RGS12: variants seen among roughly 807,000 people sequenced by gnomAD.
RGS12 encodes regulator of G-protein signaling 12.
A neutral mutation model predicts 120.1 loss-of-function variants in RGS12; 66 were observed. The ratio of observed to expected loss-of-function variants is 0.55; its 90% CI spans 0.45 to 0.67. RGS12 has a LOEUF of 0.67. Among genes scored for constraint, RGS12 ranks in the 30% least tolerant of loss-of-function variants. RGS12 has a pLI of 0.00. For missense variants in RGS12, 1,859 were observed against 1,957.7 expected (o/e 0.95, Z 0.95); for synonymous variants, 827 against 804.7 (o/e 1.03, Z -0.47).
chr4:3,417,572 C>CAT, intron 9 of RGS12, 31 bp downstream of exon 9: 1 of 1,604,436 alleles, frequency 6.2e-7, no homozygotes. Flanking sequence ...GCTGTGGTGT[C>CAT]CAGGCCAGGC....
At position 3,365,769 on chromosome 4, in the gene RGS12, C is replaced by T. The variant is rs187756713; in HGVS notation, c.1999-20647C>T. 6.6e-6 allele frequency among the ~76,000 whole-genome samples: 1 copy of T among 152,298 alleles called. No homozygotes were observed. Among genetic ancestry groups the T allele is most frequent in the Admixed American group, 6.5e-5 (1 of 15,306 alleles). ...CTTAGAAATCTTTGCTTGTCTTGGTCTTTCACACACCAGTCTGCTTTTTAA... is the reference window on the plus strand; with the variant it reads ...CTTAGAAATCTTTGCTTGTCTTGGTTTTTCACACACCAGTCTGCTTTTTAA... On this transcript the variant is annotated intron_variant, in intron 3 of 17. Transcript: ENST00000336727. The surrounding 1 kb of genome is among the most constrained non-coding windows in gnomAD (Gnocchi z 4.0).
Position 3,423,658 on chromosome 4 carries a change from G to T in RGS12, c.3234+17G>T. On this transcript the variant is annotated intron_variant, in intron 13 of 17. Transcript: ENST00000336727. ...GTGAGGCTGGTGAGTGTTGCACGGG[G>T]CCCGGGCGTCGTCACCGCAGGCACT... 1 of 1,597,290 alleles carries T rather than the reference G, an allele frequency of 6.3e-7. No individual in the cohort carries two copies.
chr4:3,337,153 G>A (rs914304450), intron 2 of RGS12, among the ~76,000 whole-genome samples: 2 of 152,190 alleles, frequency 1.3e-5, no homozygotes, highest in African/African-American at 2.4e-5. Flanking sequence ...CAGTGAGTCA[G>A]CACCTTACAC....
intron 17 of RGS12, among the ~76,000 whole-genome samples, chr4:3,437,715 A>G (rs1466851738): frequency 6.6e-6 from 1 of 152,112 alleles, no homozygotes; most frequent in African/African-American, 2.4e-5. Flanking sequence ...TCCAGATGGC[A>G]TCTCCACCGG....
intron 7 of RGS12, among the ~76,000 whole-genome samples, chr4:3,416,337 C>T (rs1722398280): frequency 1.3e-5 from 2 of 152,168 alleles, no homozygotes; most frequent in South Asian, 4.1e-4. Flanking sequence ...AAGTCCCGAA[C>T]CACTGCGTGT....
rs1717071141 is a variant in RGS12 at position 3,372,098 on chromosome 4, T to C, written c.1999-14318T>C. 6.6e-6 allele frequency among the ~76,000 whole-genome samples: 1 copy of C among 152,110 alleles called. No individual in the cohort carries two copies. The highest frequency in any genetic ancestry group is 2.4e-5 in the African/African-American group (1 of 41,412). ...ATCCTGTTTCATAAACCATGTGGCG[T>C]CAGGTGTTGCAGGCTCTGACACTAG... On this transcript the variant is annotated intron_variant, in intron 3 of 17. Transcript: ENST00000336727. This position sits in a 1 kb window ranked among gnomAD's most constrained non-coding sequence, Gnocchi z 4.3.
intron 2 of RGS12, among the ~76,000 whole-genome samples, chr4:3,329,080 A>C (rs566040408): frequency 6.6e-6 from 1 of 152,286 alleles, no homozygotes; most frequent in African/African-American, 2.4e-5. Flanking sequence ...TGAAAGGCAC[A>C]AAGACCGAGC....
chr4:3,365,846 G>C lies in RGS12; in HGVS notation c.1999-20570G>C, dbSNP rs114912985. On this transcript the variant is annotated intron_variant, in intron 3 of 17. Coordinates refer to ENST00000336727, the MANE Select transcript of RGS12 (RefSeq NM_001394154.1). The surrounding 1 kb of genome is among the most constrained non-coding windows in gnomAD (Gnocchi z 4.0). ...CTGTCCTTAAGATCCTGTGAACTCC[G>C]GACATGTAATAGGATTCTTCAGTGC... 1.3e-5 allele frequency among the ~76,000 whole-genome samples: 2 copies of C among 152,096 alleles called. No homozygotes were observed. Among genetic ancestry groups the C allele is most frequent in the Non-Finnish European group, 2.9e-5 (2 of 68,034 alleles).
intron 4 of RGS12, among the ~76,000 whole-genome samples, chr4:3,391,675 C>T (rs1190581640): frequency 3.9e-5 from 6 of 152,164 alleles, no homozygotes; most frequent in South Asian, 2.1e-4. Context: ...AAGCAGTGTC[C>T]GCCCTGTTTG....
At chr4:3,309,693 G>A (rs953018499) in intron 1 of RGS12, among the ~76,000 whole-genome samples, 2 of 120,386 alleles carry the variant, frequency 1.7e-5, no homozygotes, top group Admixed American at 1.7e-4. Context: ...GAGGGGAACC[G>A]TGCAGGGGAG....
intron 1 of RGS12, chr4:3,314,011 T>TAATTATTAAAAAATTATAAAATAATTTTA (rs1227706112): frequency 5.9e-5 from 9 of 151,690 alleles, no homozygotes; most frequent in South Asian, 4.1e-4. Context: ...TAATAATTTT[T>TAATTATTAAAAAATTATAAAATAATTTTA]AATTATTAAA....
chr4:3,353,602 T>C (rs1021686873), intron 3 of RGS12, among the ~76,000 whole-genome samples: 1 of 152,096 alleles, frequency 6.6e-6, no homozygotes, highest in Non-Finnish European at 1.5e-5. Flanking sequence ...TTGGTTTGAG[T>C]TGGGGGAAGG....
intron 2 of RGS12, chr4:3,342,434 G>A: frequency 7.9e-7 from 1 of 1,273,738 alleles, no homozygotes; most frequent in Non-Finnish European, 1.0e-6. Context: ...CTGCGCCGGA[G>A]TTGGTTGGGT....
intron 3 of RGS12, among the ~76,000 whole-genome samples, chr4:3,383,210 G>A (rs1469401160): frequency 2.6e-5 from 4 of 152,084 alleles, no homozygotes; most frequent in Admixed American, 6.5e-5. Flanking sequence ...CGGGCTACCC[G>A]GCCCTAGTGG....
At chr4:3,342,026 G>A (rs1399496486) in intron 2 of RGS12, among the ~76,000 whole-genome samples, 2 of 151,680 alleles carry the variant, frequency 1.3e-5, no homozygotes, top group South Asian at 2.1e-4. Context: ...GGGGAGAGGC[G>A]GGAGGGTGGC....
the RGS12 span, among the ~76,000 whole-genome samples, chr4:3,287,142 C>T: frequency 6.6e-6 from 1 of 152,292 alleles, no homozygotes; most frequent in African/African-American, 2.4e-5. Context: ...AGCGGAAGAG[C>T]GAGCAGCGCC....
intron 1 of RGS12, among the ~76,000 whole-genome samples, chr4:3,306,894 T>C (rs1274012548): frequency 6.6e-6 from 1 of 151,590 alleles, no homozygotes; most frequent in African/African-American, 2.4e-5. Flanking sequence ...TGATGGGGTT[T>C]GGGGTCAGGG....
At chr4:3,371,458 T>C (rs1297562622) in intron 3 of RGS12, among the ~76,000 whole-genome samples, 1 of 152,200 alleles carries the variant, frequency 6.6e-6, no homozygotes, top group Non-Finnish European at 1.5e-5. Context: ...AGGCAAGGTG[T>C]AGAAAATTTT....
chr4:3,361,886 G>T (rs1715599507), intron 3 of RGS12, among the ~76,000 whole-genome samples: 1 of 152,194 alleles, frequency 6.6e-6, no homozygotes, highest in Non-Finnish European at 1.5e-5. Context: ...AGGCCCACGT[G>T]CATCAGTGCC....
Sources: gnomAD v4.1 joint callset for allele counts (sites outside exome capture counted in the v4.1 genomes callset) on GRCh38, gnomAD v4.1.1 for gene constraint, Gnocchi (gnomAD v3.1) non-coding constraint, MANE v1.5 for transcripts, NCBI Gene and HGNC (gene_info 2026-07-23, HGNC 2026-07-21) for gene names.